NEDD9: variants seen among roughly 807,000 people sequenced by gnomAD.
The protein encoded by NEDD9 is neural precursor cell expressed, developmentally down-regulated 9.
Under a neutral mutation model 76.6 loss-of-function variants are expected in NEDD9, and 26 were observed. That is an observed-to-expected ratio of 0.34 (90% confidence interval 0.25 to 0.47). NEDD9 has a LOEUF of 0.47. NEDD9 is among the 20% of genes least tolerant of loss of function. NEDD9 has a pLI of 1.00. For missense variants in NEDD9, 937 were observed against 1,058.5 expected (o/e 0.89, Z 1.59); for synonymous variants, 392 against 414.2 (o/e 0.95, Z 0.65).
At chr6:11,191,281 C>G in intron 4 of NEDD9, 76 bp from the exon 5 acceptor site, 3 of 1,473,368 alleles carry the variant, frequency 2.0e-6, no homozygotes, top group Non-Finnish European at 2.7e-6. Context: ...GTGCTCAGTC[C>G]TATTTGCTGG....
intron 2 of NEDD9, among the ~76,000 whole-genome samples, chr6:11,206,580 CATG>C (rs1422843393): frequency 6.6e-6 from 1 of 152,170 alleles, no homozygotes; most frequent in Non-Finnish European, 1.5e-5. Context: ...AGTCATTTAG[CATG>C]AAATCATTGA....
At chr6:11,267,661 A>G (rs1760224514) in intron 3 of NEDD9, among the ~76,000 whole-genome samples, 1 of 152,204 alleles carries the variant, frequency 6.6e-6, no homozygotes, top group Non-Finnish European at 1.5e-5. Flanking sequence ...ACATAGCACT[A>G]ATCAGCTAGT....
chr6:11,307,768 T>C (rs1761231557), intron 2 of NEDD9, among the ~76,000 whole-genome samples: 1 of 152,168 alleles, frequency 6.6e-6, no homozygotes, highest in Non-Finnish European at 1.5e-5. Context: ...GGTCAAGACA[T>C]AGAGTACTGC....
chr6:11,358,224 T>TG (rs1414773372), intron 1 of NEDD9, among the ~76,000 whole-genome samples: 8 of 117,200 alleles, frequency 6.8e-5, no homozygotes, highest in African/African-American at 2.7e-4. Context: ...ACTCCCAGCC[T>TG]GGCGACAGAG....
intron 1 of NEDD9, among the ~76,000 whole-genome samples, chr6:11,364,427 C>A (rs531566962): frequency 3.7e-4 from 56 of 152,248 alleles, no homozygotes; most frequent in Middle Eastern, 6.8e-3. Context: ...AGTCATTGAA[C>A]CTGGGGGTGG....
At chr6:11,339,969 T>C (rs1382594893) in intron 1 of NEDD9, among the ~76,000 whole-genome samples, 2 of 152,216 alleles carry the variant, frequency 1.3e-5, no homozygotes, top group Admixed American at 1.3e-4. Context: ...ATAATAACCA[T>C]GTTGAACTCA....
chr6:11,280,296 C>T (rs1160916123), intron 3 of NEDD9, among the ~76,000 whole-genome samples: 2 of 152,220 alleles, frequency 1.3e-5, no homozygotes, highest in Non-Finnish European at 2.9e-5. Context: ...ACTAAACTAA[C>T]ATCTCAAGGT....
intron 1 of NEDD9, among the ~76,000 whole-genome samples, chr6:11,357,284 G>T (rs540794264): frequency 4.6e-5 from 7 of 152,150 alleles, no homozygotes; most frequent in African/African-American, 1.4e-4. Flanking sequence ...CAACCCCTGC[G>T]CAGGCCCTGA....
intron 3 of NEDD9, among the ~76,000 whole-genome samples, chr6:11,250,343 T>G (rs1421667603): frequency 1.3e-5 from 2 of 152,210 alleles, no homozygotes; most frequent in Non-Finnish European, 2.9e-5. Context: ...GAGGCAATTG[T>G]ATGTTGGCCT....
intron 3 of NEDD9, among the ~76,000 whole-genome samples, chr6:11,250,139 A>T (rs988886249): frequency 3.3e-5 from 5 of 152,254 alleles, no homozygotes; most frequent in African/African-American, 1.2e-4. Context: ...AGAAAGAGGG[A>T]GGGAGAGAGA....
chr6:11,266,456 C>A (rs190378942), intron 3 of NEDD9, among the ~76,000 whole-genome samples: 3 of 152,204 alleles, frequency 2.0e-5, no homozygotes, highest in Admixed American at 1.3e-4. Flanking sequence ...TGCTGAGAAA[C>A]CCTGCCCCAA....
upstream of NEDD9, among the ~76,000 whole-genome samples, chr6:11,236,704 T>A (rs1759611052): frequency 6.6e-6 from 1 of 152,180 alleles, no homozygotes; most frequent in Non-Finnish European, 1.5e-5. This position sits in a 1 kb window ranked among gnomAD's most constrained non-coding sequence, Gnocchi z 5.5. Context: ...TTCTAATGAT[T>A]TCTTTTTAGT....
intron 2 of NEDD9, among the ~76,000 whole-genome samples, chr6:11,204,492 T>G (rs1758543707): frequency 6.6e-6 from 1 of 151,702 alleles, no homozygotes; most frequent in Admixed American, 6.6e-5. Flanking sequence ...GAGGCCGAGG[T>G]GGGCAGATCA....
At chr6:11,188,012 T>A (rs527473779) in intron 6 of NEDD9, among the ~76,000 whole-genome samples, 1 of 152,322 alleles carries the variant, frequency 6.6e-6, no homozygotes, top group East Asian at 1.9e-4. Flanking sequence ...AAAATTGCCG[T>A]TTAGATGGAA....
chr6:11,204,318 C>T lies in NEDD9; in HGVS notation c.459+8963G>A, dbSNP rs1758539105. The stretch of plus-strand genomic sequence containing the variant: ...AAGTAAATACTCTCAAAGAAAGTTA[C>T]TTCCTTATATGAGAGCCACAACTTG... On this transcript the variant is annotated intron_variant, in intron 2 of 6. Coordinates refer to ENST00000379446, the MANE Select transcript of NEDD9 (RefSeq NM_006403.4). Among the ~76,000 whole-genome samples the T allele has an allele frequency of 2.0e-5, 3 of 152,220 alleles. 1 individual carries two copies. The highest frequency in any genetic ancestry group is 4.4e-5 in the Non-Finnish European group (3 of 68,038).
intron 2 of NEDD9, among the ~76,000 whole-genome samples, chr6:11,208,389 C>T (rs577400900): frequency 3.9e-5 from 6 of 152,228 alleles, no homozygotes; most frequent in Admixed American, 6.5e-5. Context: ...GGTCCTTCAG[C>T]GAGGGAAATG....
At chr6:11,339,712 T>C (rs1762237599) in intron 1 of NEDD9, among the ~76,000 whole-genome samples, 2 of 152,224 alleles carry the variant, frequency 1.3e-5, no homozygotes, top group African/African-American at 2.4e-5. Context: ...TCCTGTGACC[T>C]GTGGGCCATT....
intron 2 of NEDD9, among the ~76,000 whole-genome samples, chr6:11,209,266 C>T (rs1758701079): frequency 6.6e-6 from 1 of 152,202 alleles, no homozygotes; most frequent in African/African-American, 2.4e-5. Context: ...TTCTTATAGG[C>T]ACTGGGCATA....
chr6:11,298,247 G>T (rs1239136790), intron 3 of NEDD9, among the ~76,000 whole-genome samples: 1 of 152,094 alleles, frequency 6.6e-6, no homozygotes, highest in Admixed American at 6.6e-5. Context: ...CTGAAAAAGA[G>T]CAGTAGGAAT....
Sources: allele counts gnomAD v4.1 joint callset (sites outside exome capture counted in the v4.1 genomes callset), GRCh38; gene constraint gnomAD v4.1.1; non-coding constraint Gnocchi (gnomAD v3.1); transcripts MANE v1.5; gene names NCBI Gene and HGNC (gene_info 2026-07-23, HGNC 2026-07-21).